Variants in SLC24A3 observed in about 807,000 individuals in gnomAD.
SLC24A3 encodes solute carrier family 24 member 3.
SLC24A3 carries 28 observed loss-of-function variants against 75.8 expected under a neutral mutation model. The observed-to-expected ratio is 0.37, with a 90% CI of 0.27 to 0.51. The LOEUF is 0.51. Among genes scored for constraint, SLC24A3 ranks in the 20% least tolerant of loss-of-function variants. SLC24A3 has a pLI of 0.94. For missense variants in SLC24A3, 663 were observed against 847.8 expected (o/e 0.78, Z 2.71); for synonymous variants, 372 against 334.1 (o/e 1.11, Z -1.24).
rs1426830438 is a variant in SLC24A3 at position 19,678,722 on chromosome 20, C to G, written c.768-3136C>G. 2.1e-5 allele frequency among the ~76,000 whole-genome samples: 3 copies of G among 141,602 alleles called. No homozygotes were observed. The South Asian group carries it at 6.5e-4, about 31-fold the overall frequency. The allele number at this position is 141,602 out of a possible 152,430, so 92.9% of individuals were successfully genotyped here. A position where few individuals can be genotyped will look rare whatever the true frequency, so the allele number is the denominator to read the frequency against. ...CTTCCCAGACGGGGTGGCTGCCGGG[C>G]GGAGGGGCTCCTCATTTCTCAGACG... On this transcript the variant is annotated intron_variant, in intron 9 of 16. Coordinates refer to ENST00000328041, the MANE Select transcript of SLC24A3 (RefSeq NM_020689.4).
At chr20:19,654,805 G>A (rs1287156136) in intron 7 of SLC24A3, among the ~76,000 whole-genome samples, 3 of 151,908 alleles carry the variant, frequency 2.0e-5, no homozygotes, top group East Asian at 2.0e-4. Flanking sequence ...GCACCACCAC[G>A]GCTGGCTAAT....
intron 1 of SLC24A3, among the ~76,000 whole-genome samples, chr20:19,233,884 A>G (rs957186082): frequency 1.3e-5 from 2 of 152,198 alleles, no homozygotes; most frequent in Non-Finnish European, 2.9e-5. Context: ...TATCTATAGA[A>G]TGGGAGCATT....
intron 6 of SLC24A3, among the ~76,000 whole-genome samples, chr20:19,651,468 C>G (rs2122707647): frequency 6.7e-6 from 1 of 149,502 alleles, no homozygotes; most frequent in Middle Eastern, 3.5e-3. Context: ...TTCTTTGTTC[C>G]AGTGTTCTGA....
intron 1 of SLC24A3, among the ~76,000 whole-genome samples, chr20:19,233,581 G>A (rs1393462547): frequency 2.0e-5 from 3 of 152,218 alleles, no homozygotes; most frequent in Non-Finnish European, 2.9e-5. Flanking sequence ...AATGTTCTGA[G>A]TGTCAGCACA....
chr20:19,660,637 C>G (rs2032316731), intron 7 of SLC24A3, among the ~76,000 whole-genome samples: 1 of 152,026 alleles, frequency 6.6e-6, no homozygotes, highest in Admixed American at 6.6e-5. Flanking sequence ...GATTTCTTTT[C>G]TTCGGGGTAG....
intron 2 of SLC24A3, among the ~76,000 whole-genome samples, chr20:19,461,330 T>C (rs1987666787): frequency 6.6e-6 from 1 of 151,756 alleles, no homozygotes; most frequent in African/African-American, 2.4e-5. Flanking sequence ...AGAAGAAAAA[T>C]GGGAAAAGAA....
intron 1 of SLC24A3, among the ~76,000 whole-genome samples, chr20:19,214,901 C>T (rs1981512048): frequency 6.6e-6 from 1 of 152,048 alleles, no homozygotes; most frequent in Non-Finnish European, 1.5e-5. Flanking sequence ...CTCTGTTGGT[C>T]TTAGGACCCC....
rs955245750 is a variant in SLC24A3, at chr20:19,212,788, C to G, written c.-55C>G. ...CTCCTGCCGCTGTCCCCGCCGCGGC[C>G]GCCCGCGACAGGAGCGGCCGCCGCC... is the stretch of plus-strand genomic sequence containing the variant. On this transcript the variant is annotated 5_prime_UTR_variant, in exon 1 of 17. Coordinates refer to ENST00000328041, the MANE Select transcript of SLC24A3 (RefSeq NM_020689.4). 37 of 978,734 alleles carry G rather than the reference C, an allele frequency of 3.8e-5. No individual in the cohort carries two copies. Among genetic ancestry groups the G allele is most frequent in the Middle Eastern group, 5.3e-4 (1 of 1,904 alleles). 60.6% of individuals were successfully genotyped at this position (978,734 alleles called of 1,614,324 possible). A position where few individuals can be genotyped will look rare whatever the true frequency, so the allele number is the denominator to read the frequency against.
intron 2 of SLC24A3, among the ~76,000 whole-genome samples, chr20:19,337,082 A>G (rs758411847): frequency 6.6e-6 from 1 of 152,134 alleles, no homozygotes; most frequent in Non-Finnish European, 1.5e-5. Context: ...CTGCTGAGAT[A>G]ATGTTGCTGT....
At chr20:19,372,598 C>G (rs914573589) in intron 2 of SLC24A3, among the ~76,000 whole-genome samples, 4 of 152,168 alleles carry the variant, frequency 2.6e-5, no homozygotes, top group Non-Finnish European at 5.9e-5. Context: ...AGGAACAAAT[C>G]AACAAACAGA....
intron 1 of SLC24A3, among the ~76,000 whole-genome samples, chr20:19,256,632 G>A (rs1982822557): frequency 6.6e-6 from 1 of 151,960 alleles, no homozygotes; most frequent in South Asian, 2.1e-4. Flanking sequence ...AGCCGGGCAT[G>A]GTGGCATACG....
chr20:19,568,300 A>G (rs1394968686), intron 3 of SLC24A3, among the ~76,000 whole-genome samples: 1 of 152,234 alleles, frequency 6.6e-6, no homozygotes, highest in Non-Finnish European at 1.5e-5. Flanking sequence ...ACCCATAAGA[A>G]TTGAAATCGG....
chr20:19,517,801 C>G (rs1232688261), intron 3 of SLC24A3, among the ~76,000 whole-genome samples: 1 of 152,178 alleles, frequency 6.6e-6, no homozygotes, highest in African/African-American at 2.4e-5. Context: ...GGAAGAGACC[C>G]AAGTGGGGCA....
chr20:19,647,474 T>C (rs911075736), intron 6 of SLC24A3, among the ~76,000 whole-genome samples: 1 of 152,194 alleles, frequency 6.6e-6, no homozygotes, highest in Non-Finnish European at 1.5e-5. Context: ...TGCCTGGCAG[T>C]GAATGCAGAT....
At chr20:19,414,501 G>T (rs1373612366) in intron 2 of SLC24A3, among the ~76,000 whole-genome samples, 3 of 152,076 alleles carry the variant, frequency 2.0e-5, no homozygotes, top group Non-Finnish European at 4.4e-5. Context: ...AGTTTGTGTG[G>T]CATGAAAAAA....
chr20:19,421,710 A>G (rs941270880), intron 2 of SLC24A3, among the ~76,000 whole-genome samples: 1 of 152,218 alleles, frequency 6.6e-6, no homozygotes, highest in Non-Finnish European at 1.5e-5. Flanking sequence ...CAAAAAGGAA[A>G]AAAAAGTGGG....
At chr20:19,566,217 G>A (rs1249198515) in intron 3 of SLC24A3, among the ~76,000 whole-genome samples, 4 of 152,336 alleles carry the variant, frequency 2.6e-5, no homozygotes, top group Middle Eastern at 3.4e-3. Context: ...GCTACTTAGT[G>A]TCCATTACTC....
rs60290939 is a variant in SLC24A3 at position 19,539,939 on chromosome 20, CA to C, written c.348+24376del. 9.0e-3 allele frequency among the ~76,000 whole-genome samples: 1,366 copies of C among 152,234 alleles called. 21 individuals carry two copies. The highest frequency in any genetic ancestry group is 0.041 in the South Asian group (198 of 4,822). On this transcript the variant is annotated intron_variant, in intron 3 of 16. Coordinates refer to ENST00000328041, the MANE Select transcript of SLC24A3 (RefSeq NM_020689.4). The stretch of plus-strand genomic sequence containing the variant: ...GGATTTTTTCCACCTAAATAGGAGG[CA>C]GAACTCTTCTGGAATGAGAGTCTTC...
rs981093574 is a variant in SLC24A3, at chr20:19,295,234, T to C, written c.271+14147T>C. On this transcript the variant is annotated intron_variant, in intron 2 of 16. Coordinates refer to ENST00000328041, the MANE Select transcript of SLC24A3 (RefSeq NM_020689.4). The stretch of plus-strand genomic sequence containing the variant: ...TCATTTCCTGAGACTTTGCTGATGT[T>C]GCTTGTCAGCTTAAGAAGCTTTTGG... Among the ~76,000 whole-genome samples the C allele has an allele frequency of 2.0e-5, 3 of 152,234 alleles. 1 individual carries two copies. Among genetic ancestry groups the C allele is most frequent in the Admixed American group, 2.0e-4 (3 of 15,280 alleles).
Sources: gnomAD v4.1 joint callset for allele counts (sites outside exome capture counted in the v4.1 genomes callset) on GRCh38, gnomAD v4.1.1 for gene constraint, MANE v1.5 for transcripts, NCBI Gene and HGNC (gene_info 2026-07-23, HGNC 2026-07-21) for gene names.